GPC5: variants seen among roughly 807,000 people sequenced by gnomAD.
The protein encoded by GPC5 is glypican 5.
Under a neutral mutation model 53.9 loss-of-function variants are expected in GPC5, and 47 were observed. The observed-to-expected ratio is 0.87, with a 90% confidence interval of 0.69 to 1.11. The LOEUF (loss-of-function observed/expected upper bound fraction) is 1.11, where lower values mean the gene tolerates loss of function less well. Ranked by LOEUF, GPC5 falls within the 50% of genes most tolerant of loss-of-function variation. The pLI is 0.00. For missense variants in GPC5, 748 were observed against 713.1 expected (o/e 1.05, Z -0.56); for synonymous variants, 286 against 263.3 (o/e 1.09, Z -0.84).
In GPC5 at chr13:92,724,907, CACACAAGA is replaced by C. The variant is rs965636635; in HGVS notation, c.1562-141373_1562-141366del. Among the ~76,000 whole-genome samples the C allele has an allele frequency of 1.3e-4, 19 of 150,002 alleles. No individual in the cohort carries two copies. In the East Asian group the frequency reaches 2.3e-3, roughly 18 times the overall value. ...ACACACACACACACACACACACACA[CACACAAGA>C]AAGAAAAAACAAGAGAGTAGCTAAG... On this transcript the variant is annotated intron_variant, in intron 7 of 7. Transcript: ENST00000377067.
chr13:92,382,934 C>T (rs1015263187), intron 7 of GPC5, among the ~76,000 whole-genome samples: 35 of 137,886 alleles, frequency 2.5e-4, no homozygotes, highest in Non-Finnish European at 4.8e-4. Flanking sequence ...ACCCGGGAGG[C>T]GGAGCTTGCA....
chr13:91,471,552 A>T (rs1882629317), intron 2 of GPC5, among the ~76,000 whole-genome samples: 1 of 152,062 alleles, frequency 6.6e-6, no homozygotes, highest in Non-Finnish European at 1.5e-5. Context: ...ATGGTATTTC[A>T]TTTTCTCATG....
At chr13:91,909,588 T>C (rs2039589934) in intron 6 of GPC5, among the ~76,000 whole-genome samples, 1 of 152,166 alleles carries the variant, frequency 6.6e-6, no homozygotes, top group African/African-American at 2.4e-5. Flanking sequence ...AATTTATAAA[T>C]ACATAAATAT....
chr13:92,283,159 T>G (rs1206496413), intron 7 of GPC5, among the ~76,000 whole-genome samples: 1 of 152,186 alleles, frequency 6.6e-6, no homozygotes, highest in Non-Finnish European at 1.5e-5. Context: ...CATTACATAA[T>G]GGTAAAGGGA....
chr13:92,590,207 C>A (rs529797635), intron 7 of GPC5, among the ~76,000 whole-genome samples: 81 of 152,054 alleles, frequency 5.3e-4, no homozygotes, highest in African/African-American at 1.9e-3. Context: ...CCTTTCCCTG[C>A]GGGGAATCTG....
At chr13:91,617,819 A>C (rs529196750) in intron 2 of GPC5, among the ~76,000 whole-genome samples, 45 of 152,254 alleles carry the variant, frequency 3.0e-4, no homozygotes, top group African/African-American at 1.1e-3. Flanking sequence ...TAAACATTCC[A>C]GGCTTTGCAA....
intron 2 of GPC5, among the ~76,000 whole-genome samples, chr13:91,666,363 A>G (rs1467347551): frequency 6.6e-6 from 1 of 152,224 alleles, no homozygotes; most frequent in Non-Finnish European, 1.5e-5. Flanking sequence ...GATATTTCAA[A>G]TAATTTAATT....
At chr13:92,390,619 G>A (rs963300432) in intron 7 of GPC5, among the ~76,000 whole-genome samples, 5 of 152,044 alleles carry the variant, frequency 3.3e-5, no homozygotes, top group African/African-American at 9.7e-5. Flanking sequence ...GATCCTAGTC[G>A]TGATGTTTAC....
chr13:91,803,959 CACA>C (rs1304265755), intron 5 of GPC5, among the ~76,000 whole-genome samples: 1 of 151,902 alleles, frequency 6.6e-6, no homozygotes, highest in Non-Finnish European at 1.5e-5. Flanking sequence ...GTGAAAGAGA[CACA>C]ACAAGGGGAC....
At position 91,596,637 on chromosome 13, in the gene GPC5, G is replaced by A. The variant is rs533925595; in HGVS notation, c.326-96550G>A. 3.9e-5 allele frequency among the ~76,000 whole-genome samples: 6 copies of A among 152,158 alleles called. No individual in the cohort carries two copies. In the South Asian group the frequency reaches 1.0e-3, roughly 26 times the overall value. ...GAGATTTGTTCTGGGATACAGTTAA[G>A]TTTTATATTTTGGGTCTTTCTTTTC... On this transcript the variant is annotated intron_variant, in intron 2 of 7. Transcript: ENST00000377067.
intron 2 of GPC5, among the ~76,000 whole-genome samples, chr13:91,540,587 A>T (rs563075187): frequency 6.6e-6 from 1 of 152,218 alleles, no homozygotes; most frequent in African/African-American, 2.4e-5. Context: ...GGATTGCACA[A>T]TTGAAATGGG....
chr13:92,334,900 C>G (rs894842175), intron 7 of GPC5, among the ~76,000 whole-genome samples: 2 of 152,112 alleles, frequency 1.3e-5, no homozygotes, highest in African/African-American at 4.8e-5. Flanking sequence ...TATGGCTTTG[C>G]AGGGTACACT....
intron 7 of GPC5, among the ~76,000 whole-genome samples, chr13:92,218,697 C>T (rs1481969235): frequency 6.6e-6 from 1 of 152,156 alleles, no homozygotes; most frequent in East Asian, 1.9e-4. Context: ...AAATCAGCAA[C>T]ATTTTTTTCA....
chr13:91,938,249 C>T (rs2039889656), intron 6 of GPC5, among the ~76,000 whole-genome samples: 2 of 152,016 alleles, frequency 1.3e-5, no homozygotes, highest in Non-Finnish European at 1.5e-5. Flanking sequence ...GGAGATTTTA[C>T]TCATGGTGGA....
At chr13:92,063,038 A>G (rs1219098880) in intron 6 of GPC5, among the ~76,000 whole-genome samples, 1 of 152,078 alleles carries the variant, frequency 6.6e-6, no homozygotes, top group Non-Finnish European at 1.5e-5. Context: ...TTCTACTTTC[A>G]GAAGCAAATC....
At chr13:92,829,063 C>T (rs1420420713) in intron 7 of GPC5, among the ~76,000 whole-genome samples, 1 of 152,010 alleles carries the variant, frequency 6.6e-6, no homozygotes, top group Non-Finnish European at 1.5e-5. Flanking sequence ...TATGCAGAGC[C>T]ACCTTCTCAT....
chr13:91,686,647 A>C (rs1352960503), intron 2 of GPC5, among the ~76,000 whole-genome samples: 1 of 152,024 alleles, frequency 6.6e-6, no homozygotes, highest in Non-Finnish European at 1.5e-5. Flanking sequence ...ATTACTATTA[A>C]AATTATTCAG....
intron 7 of GPC5, among the ~76,000 whole-genome samples, chr13:92,708,550 T>G (rs1888025495): frequency 6.6e-6 from 1 of 152,166 alleles, no homozygotes; most frequent in Admixed American, 6.5e-5. Context: ...GTCTTTGACT[T>G]TTCCTGATAG....
intron 7 of GPC5, chr13:92,448,792 C>G (rs1566595156): frequency 6.6e-6 from 1 of 150,520 alleles, no homozygotes; most frequent in Admixed American, 6.6e-5. Flanking sequence ...TAATTCAGCA[C>G]ATGGACTTAA....
Sources: gnomAD v4.1 joint callset for allele counts (sites outside exome capture counted in the v4.1 genomes callset) on GRCh38, gnomAD v4.1.1 for gene constraint, MANE v1.5 for transcripts, NCBI Gene and HGNC (gene_info 2026-07-23, HGNC 2026-07-21) for gene names.